Variants in PTPRR observed in about 807,000 individuals in gnomAD.
PTPRR encodes protein tyrosine phosphatase receptor type R.
PTPRR carries 38 observed loss-of-function variants against 77.2 expected under a neutral mutation model. The observed-to-expected ratio is 0.49, with a 90% CI of 0.38 to 0.65. PTPRR has a LOEUF of 0.65. PTPRR is among the 30% of genes least tolerant of loss of function. PTPRR has a pLI of 0.00. For synonymous variants in PTPRR, 299 were observed against 283.1 expected (o/e 1.06, Z -0.57); for missense variants, 744 against 799.2 (o/e 0.93, Z 0.83).
intron 2 of PTPRR, among the ~76,000 whole-genome samples, chr12:70,800,475 C>T (rs1021714576): frequency 1.3e-4 from 20 of 152,284 alleles, no homozygotes; most frequent in East Asian, 1.9e-4. Context: ...AGAGCTAACA[C>T]TTAGGTAGCA....
At chr12:70,784,219 G>C (rs1312478485) in intron 2 of PTPRR, among the ~76,000 whole-genome samples, 1 of 152,222 alleles carries the variant, frequency 6.6e-6, no homozygotes, top group Non-Finnish European at 1.5e-5. Context: ...GAGCACAGGG[G>C]TACCCAGGTT....
In PTPRR at chr12:70,717,432, A is replaced by C. The variant is rs76904533; in HGVS notation, c.1008-16109T>G. Among the ~76,000 whole-genome samples, 1,452 of 152,308 alleles carry C rather than the reference A, an allele frequency of 9.5e-3. 15 individuals are homozygous for C. The highest frequency in any genetic ancestry group is 0.031 in the African/African-American group (1,271 of 41,576). On this transcript the variant is annotated intron_variant, in intron 6 of 13. Transcript: ENST00000283228. ...ATTCTGAAAATGATCATTTCTGATGAAAATGAACTCAAGAAATACACAAAT... is the reference window on the plus strand; with the variant it reads ...ATTCTGAAAATGATCATTTCTGATGCAAATGAACTCAAGAAATACACAAAT...
intron 2 of PTPRR, among the ~76,000 whole-genome samples, chr12:70,857,693 G>A (rs1306188295): frequency 6.6e-6 from 1 of 152,110 alleles, no homozygotes; most frequent in Non-Finnish European, 1.5e-5. Flanking sequence ...TTGGCTGCTT[G>A]TAAGATTGTC....
chr12:70,844,533 T>C (rs1239831369), intron 2 of PTPRR, among the ~76,000 whole-genome samples: 1 of 151,878 alleles, frequency 6.6e-6, no homozygotes, highest in East Asian at 1.9e-4. Context: ...ACAAGCCGAG[T>C]AGAATAGTGG....
At chr12:70,674,292 T>C (rs1403421480) in intron 10 of PTPRR, among the ~76,000 whole-genome samples, 1 of 152,140 alleles carries the variant, frequency 6.6e-6, no homozygotes, top group Admixed American at 6.5e-5. Flanking sequence ...TATTCCTTCC[T>C]TTTTTCTCTC....
chr12:70,876,665 T>C (rs7960682), intron 2 of PTPRR, among the ~76,000 whole-genome samples: 1 of 152,130 alleles, frequency 6.6e-6, no homozygotes, highest in Non-Finnish European at 1.5e-5. Context: ...GTGTGTTTAA[T>C]TGTATGGCAT....
intron 10 of PTPRR, 126 bp downstream of exon 10, chr12:70,684,001 G>T: frequency 2.0e-6 from 2 of 1,022,610 alleles, no homozygotes; most frequent in Non-Finnish European, 2.8e-6. Flanking sequence ...TGTATTAAGT[G>T]ACTTAGCCTT....
rs200206579 is a variant in PTPRR at position 70,769,834 on chromosome 12, AG to A, written c.358-5057del. 1.8e-4 allele frequency among the ~76,000 whole-genome samples: 28 copies of A among 152,240 alleles called. No homozygotes were observed. In the East Asian group the frequency reaches 3.5e-3, roughly 19 times the overall value. ...GAGATATAGATCAATGGAACAGAAC[AG>A]AGACCTCAGAAATAACGCCGCATAT... On this transcript the variant is annotated intron_variant, in intron 2 of 13. Coordinates refer to ENST00000283228, the MANE Select transcript of PTPRR (RefSeq NM_002849.4).
intron 4 of PTPRR, chr12:70,754,812 C>CTTT: frequency 5.7e-6 from 6 of 1,058,488 alleles, no homozygotes; most frequent in Non-Finnish European, 6.3e-6. Context: ...TTAATCACAT[C>CTTT]TTTTTTTTTT....
At chr12:70,909,849 G>A (rs542231675) in intron 1 of PTPRR, among the ~76,000 whole-genome samples, 2 of 152,258 alleles carry the variant, frequency 1.3e-5, no homozygotes, top group South Asian at 2.1e-4. Context: ...GGTTGCCCGT[G>A]GTGGCAGTGC....
At chr12:70,866,998 G>A (rs974546920) in intron 2 of PTPRR, among the ~76,000 whole-genome samples, 17 of 151,546 alleles carry the variant, frequency 1.1e-4, no homozygotes, top group Non-Finnish European at 2.1e-4. Flanking sequence ...AACCCTTCAT[G>A]CTAAAAACTC....
chr12:70,845,783 C>A (rs990006864), intron 2 of PTPRR, among the ~76,000 whole-genome samples: 3 of 152,086 alleles, frequency 2.0e-5, no homozygotes, highest in Non-Finnish European at 2.9e-5. Context: ...GAGGGCAATT[C>A]GCTAAATTGC....
chr12:70,750,547 A>G lies in PTPRR; in HGVS notation c.738+3644T>C, dbSNP rs147978578. On this transcript the variant is annotated intron_variant, in intron 5 of 13. Transcript: ENST00000283228. Reference sequence around the variant, plus strand: ...ATCAAAATAATTTGAACACTTAGAAAGATGAGCTTATTTTAGATAATCGCT... The same window carrying G: ...ATCAAAATAATTTGAACACTTAGAAGGATGAGCTTATTTTAGATAATCGCT... Among the ~76,000 whole-genome samples the G allele has an allele frequency of 5.0e-3, 756 of 152,310 alleles. 5 individuals are homozygous for G. Among genetic ancestry groups the G allele is most frequent in the Middle Eastern group, 0.014 (4 of 294 alleles).
chr12:70,826,112 G>A (rs1892104153), intron 2 of PTPRR, among the ~76,000 whole-genome samples: 2 of 152,116 alleles, frequency 1.3e-5, no homozygotes, highest in Non-Finnish European at 2.9e-5. Context: ...AATGGAGAGA[G>A]GGAAAGAAGA....
intron 6 of PTPRR, among the ~76,000 whole-genome samples, chr12:70,705,245 G>A (rs934658242): frequency 6.6e-5 from 10 of 152,162 alleles, no homozygotes; most frequent in Middle Eastern, 3.4e-3. Flanking sequence ...CTTAGAGGTG[G>A]GAAGAAAACG....
At chr12:70,837,529 CG>C (rs1409823233) in intron 2 of PTPRR, among the ~76,000 whole-genome samples, 1 of 151,924 alleles carries the variant, frequency 6.6e-6, no homozygotes, top group African/African-American at 2.4e-5. Context: ...AAGCAGCTCT[CG>C]GAACTCAGGG....
intron 2 of PTPRR, among the ~76,000 whole-genome samples, chr12:70,867,014 A>G (rs954638507): frequency 2.6e-5 from 4 of 151,756 alleles, no homozygotes; most frequent in Non-Finnish European, 4.4e-5. Flanking sequence ...AACTCTCAAT[A>G]AATTAGGTAT....
chr12:70,672,054 T>G lies in PTPRR; in HGVS notation c.1498-9449A>C. 3.1e-6 allele frequency: 4 copies of G among 1,304,806 alleles called. No individual in the cohort carries two copies. The South Asian group carries it at 3.6e-5, about 12-fold the overall frequency. 80.8% of individuals were successfully genotyped at this position (1,304,806 alleles called of 1,614,324 possible). A position where few individuals can be genotyped will look rare whatever the true frequency, so the allele number is the denominator to read the frequency against. Reference sequence around the variant, plus strand: ...GTGGGGCCTCACTTGGGCCCAGAGATGGAGAATGGTGGAAGGGTTATCAAC... The same window carrying G: ...GTGGGGCCTCACTTGGGCCCAGAGAGGGAGAATGGTGGAAGGGTTATCAAC... On this transcript the variant is annotated intron_variant, in intron 10 of 13. Transcript: ENST00000283228.
intron 2 of PTPRR, among the ~76,000 whole-genome samples, chr12:70,888,006 G>A (rs527567240): frequency 6.6e-4 from 101 of 152,138 alleles, no homozygotes; most frequent in Admixed American, 1.2e-3. Flanking sequence ...GAAGGCAGTC[G>A]TGAATGTGTG....
Sources: allele counts gnomAD v4.1 joint callset (sites outside exome capture counted in the v4.1 genomes callset), GRCh38; gene constraint gnomAD v4.1.1; transcripts MANE v1.5; gene names NCBI Gene and HGNC (gene_info 2026-07-23, HGNC 2026-07-21).